Variants in TMEM192 observed in about 807,000 individuals in gnomAD.
The protein encoded by TMEM192 is transmembrane protein 192.
In TMEM192, 20 loss-of-function variants were observed where a neutral mutation model predicts 26.7. The ratio of observed to expected loss-of-function variants is 0.75; its 90% confidence interval spans 0.53 to 1.09. The LOEUF (loss-of-function observed/expected upper bound fraction) is 1.09. Among genes scored for constraint, TMEM192 ranks in the 50% least tolerant of loss-of-function variants. TMEM192 has a pLI of 0.00. For synonymous variants in TMEM192, 124 were observed against 121.0 expected, an observed-to-expected ratio of 1.02 and a Z score of -0.16; for missense variants, 304 against 322.6, an observed-to-expected ratio of 0.94 and a Z score of 0.44.
At chr4:165,109,706 C>T (rs17045969) in intron 1 of TMEM192, among the ~76,000 whole-genome samples, 17,012 of 152,218 alleles carry the variant, frequency 0.11, 1,707 homozygotes, top group African/African-American at 0.27. Flanking sequence ...GAAAACTTCA[C>T]TATAAGACAA....
chr4:165,101,379 C>T (rs985339896), intron 2 of TMEM192, among the ~76,000 whole-genome samples: 2 of 150,994 alleles, frequency 1.3e-5, no homozygotes, highest in Non-Finnish European at 3.0e-5. Context: ...TTTTTGTTTT[C>T]TGTGTGAGAT....
At chr4:165,084,774 A>T (rs1184531230) in intron 5 of TMEM192, among the ~76,000 whole-genome samples, 2 of 150,938 alleles carry the variant, frequency 1.3e-5, no homozygotes, top group Non-Finnish European at 2.9e-5. Flanking sequence ...CTGGGCATGT[A>T]TAGTTTTTTA....
chr4:165,088,723 C>T (rs773133880), intron 3 of TMEM192, 121 bp from the exon 4 acceptor site: 10 of 1,014,510 alleles, frequency 9.9e-6, no homozygotes, highest in Non-Finnish European at 1.4e-5. Context: ...TTGTAATTTC[C>T]TGAGTGATCA....
intron 3 of TMEM192, among the ~76,000 whole-genome samples, chr4:165,095,950 ATTTT>A (rs35383218): frequency 1.5e-3 from 206 of 136,270 alleles, no homozygotes; most frequent in East Asian, 1.6e-3. Flanking sequence ...TGCCCAGCTA[ATTTT>A]TTTTTTTTTT....
At chr4:165,112,540 C>T (rs1260635678) in intron 1 of TMEM192, among the ~76,000 whole-genome samples, 1 of 152,200 alleles carries the variant, frequency 6.6e-6, no homozygotes, top group African/African-American at 2.4e-5. Context: ...GAAAATTAGC[C>T]CGGAGCCAAC....
In TMEM192 at chr4:165,085,817, T is replaced by C. The variant is rs1293353680; in HGVS notation, c.575-129A>G. ...TTCAAATTCTACTATGTGCCAGGCCTGTTCTAAGCCCTGGGAATATAGGGA... is the reference window on the plus strand; with the variant it reads ...TTCAAATTCTACTATGTGCCAGGCCCGTTCTAAGCCCTGGGAATATAGGGA... On this transcript the variant is annotated intron_variant, in intron 4 of 5. Transcript: ENST00000306480. 6.3e-6 allele frequency: 4 copies of C among 633,920 alleles called. No homozygotes were observed. In the South Asian group the frequency reaches 8.1e-5, roughly 13 times the overall value. The allele number at this position is 633,920 out of a possible 1,614,324, so 39.3% of individuals were successfully genotyped here.
intron 4 of TMEM192, 66 bp downstream of exon 4, chr4:165,088,402 C>G: frequency 6.5e-7 from 1 of 1,537,742 alleles, no homozygotes; most frequent in Non-Finnish European, 8.8e-7. Context: ...ATGGGCTATA[C>G]TTTAAACTGG....
At position 165,071,964 on chromosome 4, in the gene TMEM192, C is replaced by T. The variant is rs940433922; in HGVS notation, c.*7694G>A. On this transcript the variant is annotated 3_prime_UTR_variant, in exon 6 of 6. Transcript: ENST00000306480. ...GATCACTTAAAAGACTCTTATAGGC[C>T]AGGTGTGGTGGCTCATGCCTGTAAT... The T allele has an allele frequency of 2.0e-5, 3 of 152,198 alleles. No individual in the cohort carries two copies. The highest frequency in any genetic ancestry group is 2.9e-5 in the Non-Finnish European group (2 of 68,192). The allele number at this position is 152,198 out of a possible 1,614,324, so 9.4% of individuals were successfully genotyped here.
chr4:165,112,039 T>C (rs569098875), intron 1 of TMEM192, among the ~76,000 whole-genome samples: 17 of 152,362 alleles, frequency 1.1e-4, no homozygotes, highest in African/African-American at 4.1e-4. Context: ...ATGCTACCAT[T>C]CTGTACTATA....
At position 165,097,305 on chromosome 4, in the gene TMEM192, T is replaced by C. The variant is rs1734932839; in HGVS notation, c.439+3323A>G. ...GTCAGGAGATCGAGACCATCCTGGC[T>C]AACACGGTGAAACCCCGTCTCTACT... On this transcript the variant is annotated intron_variant, in intron 3 of 5. Coordinates refer to ENST00000306480, the MANE Select transcript of TMEM192 (RefSeq NM_001100389.2). Among the ~76,000 whole-genome samples, 4 of 151,972 alleles carry C rather than the reference T, an allele frequency of 2.6e-5. No homozygotes were observed. In the South Asian group the frequency reaches 8.3e-4, roughly 31 times the overall value.
chr4:165,103,223 C>T (rs902868096), intron 1 of TMEM192, 127 bp from the exon 2 acceptor site: 2 of 640,296 alleles, frequency 3.1e-6, no homozygotes, highest in South Asian at 1.5e-4. Context: ...CATTGCCTAC[C>T]TGAATCCAAT....
At chr4:165,084,193 T>G (rs1454491810) in intron 5 of TMEM192, among the ~76,000 whole-genome samples, 1 of 151,326 alleles carries the variant, frequency 6.6e-6, no homozygotes, top group Non-Finnish European at 1.5e-5. Context: ...AGCCCCTAAG[T>G]AATACACTTT....
chr4:165,107,008 A>C (rs1189299887), intron 1 of TMEM192, among the ~76,000 whole-genome samples: 1 of 151,808 alleles, frequency 6.6e-6, no homozygotes, highest in Admixed American at 6.6e-5. Flanking sequence ...GTAACTTCTC[A>C]GGATTTTTTT....
At chr4:165,100,971 CTTTT>C (rs71602569) in intron 2 of TMEM192, 79 bp from the exon 3 acceptor site, 1,247 of 770,172 alleles carry the variant, frequency 1.6e-3, no homozygotes, top group East Asian at 2.5e-3. Flanking sequence ...AGCATACATT[CTTTT>C]TTTTTTTTTT....
rs1735326579 is a variant in TMEM192, at chr4:165,112,782, G to T, written c.-9C>A. On this transcript the variant is annotated 5_prime_UTR_variant, in exon 1 of 6. Transcript: ENST00000306480. ...CTGCCCCCCGCCGCCATTTCCCGAC[G>T]CCGGAGGCCGAAGCCCTGGCCAGCC... 1 of 1,606,492 alleles carries T rather than the reference G, an allele frequency of 6.2e-7. No individual in the cohort carries two copies.
In TMEM192 at chr4:165,070,685, T is replaced by G. The variant is rs2111246727; in HGVS notation, c.*8973A>C. 1 of 152,280 alleles carries G rather than the reference T, an allele frequency of 6.6e-6. No homozygotes were observed. The highest frequency in any genetic ancestry group is 3.4e-3 in the Middle Eastern group (1 of 294). 9.4% of individuals were successfully genotyped at this position (152,280 alleles called of 1,614,324 possible). ...TAGACATAAACTTTTAAACAAGACC[T>G]TAAAAAAATAATCTCTCAGTTCAGG... On this transcript the variant is annotated 3_prime_UTR_variant, in exon 6 of 6. Coordinates refer to ENST00000306480, the MANE Select transcript of TMEM192 (RefSeq NM_001100389.2).
chr4:165,091,185 T>C (rs1414772430), intron 3 of TMEM192, among the ~76,000 whole-genome samples: 4 of 151,914 alleles, frequency 2.6e-5, no homozygotes, highest in Non-Finnish European at 2.9e-5. Context: ...GAGAATGGCC[T>C]GAAACCCGGG....
At chr4:165,093,384 C>CAT (rs1734816666) in intron 3 of TMEM192, among the ~76,000 whole-genome samples, 1 of 151,792 alleles carries the variant, frequency 6.6e-6, no homozygotes, top group African/African-American at 2.4e-5. Context: ...TGTGAGCCAC[C>CAT]GCGCCTGGCC....
intron 1 of TMEM192, among the ~76,000 whole-genome samples, chr4:165,107,435 C>T (rs1371403522): frequency 6.6e-6 from 1 of 152,104 alleles, no homozygotes; most frequent in Non-Finnish European, 1.5e-5. Context: ...GCCCCCCTCC[C>T]CAGGCTCAAG....
Sources: gnomAD v4.1 joint callset for allele counts (sites outside exome capture counted in the v4.1 genomes callset) on GRCh38, gnomAD v4.1.1 for gene constraint, MANE v1.5 for transcripts, NCBI Gene and HGNC (gene_info 2026-07-23, HGNC 2026-07-21) for gene names.